The following NFIA variants were observed in gnomAD, a reference collection of about 807,000 sequenced individuals.
The protein encoded by NFIA is nuclear factor I A, also known as nuclear factor 1 A-type.
NFIA carries 8 observed loss-of-function variants against 62.8 expected under a neutral mutation model. The observed-to-expected ratio is 0.13, with a 90% CI of 0.07 to 0.23. NFIA has a LOEUF of 0.23. Ranked by LOEUF, NFIA falls within the 10% of genes least tolerant of loss-of-function variation. The pLI is 1.00. For missense variants in NFIA, 410 were observed against 642.1 expected (o/e 0.64, Z 3.91); for synonymous variants, 235 against 238.1 (o/e 0.99, Z 0.12).
Position 61,210,765 on chromosome 1 carries a change from C to T in NFIA, c.560-66755C>T, listed in dbSNP as rs144226560. Among the ~76,000 whole-genome samples the T allele has an allele frequency of 4.2e-3, 637 of 152,310 alleles. 9 individuals carry two copies. The highest frequency in any genetic ancestry group is 0.02 in the Admixed American group (307 of 15,302). ...TCCTACCTCACTGGACACCTCAAAC[C>T]TGCCAGTCTCATCTGTAAAGTGAGC... On this transcript the variant is annotated intron_variant, in intron 2 of 10. Transcript: ENST00000403491.
At chr1:61,096,840 C>T (rs921862645) in intron 2 of NFIA, among the ~76,000 whole-genome samples, 1 of 151,950 alleles carries the variant, frequency 6.6e-6, no homozygotes, top group Non-Finnish European at 1.5e-5. Flanking sequence ...CGTGAGCCAC[C>T]GCGCCTGGCG....
intron 2 of NFIA, among the ~76,000 whole-genome samples, chr1:61,236,131 T>A (rs1654999362): frequency 6.6e-6 from 1 of 151,800 alleles, no homozygotes; most frequent in Non-Finnish European, 1.5e-5. Context: ...CAAGGTATAC[T>A]TATTGTTTTG....
chr1:61,219,761 C>G (rs1243613295), intron 2 of NFIA, among the ~76,000 whole-genome samples: 1 of 148,380 alleles, frequency 6.7e-6, no homozygotes, highest in East Asian at 2.0e-4. Context: ...GTCAAAAGAT[C>G]AAGACCATCC....
At chr1:61,390,148 T>C (rs759656650) in intron 7 of NFIA, among the ~76,000 whole-genome samples, 1 of 152,176 alleles carries the variant, frequency 6.6e-6, no homozygotes, top group Non-Finnish European at 1.5e-5. Flanking sequence ...CAGTGGCATC[T>C]GGCACTACGC....
At chr1:61,120,860 A>G (rs1056006245) in intron 2 of NFIA, among the ~76,000 whole-genome samples, 4 of 152,236 alleles carry the variant, frequency 2.6e-5, no homozygotes, top group African/African-American at 9.6e-5. Flanking sequence ...GATCCTTTCA[A>G]GTTTACAATT....
At chr1:61,369,601 AAC>A (rs1350739516) in intron 6 of NFIA, among the ~76,000 whole-genome samples, 1 of 152,170 alleles carries the variant, frequency 6.6e-6, no homozygotes, top group Non-Finnish European at 1.5e-5. Flanking sequence ...CTATCATATA[AAC>A]ACAGTGTAGC....
intron 3 of NFIA, among the ~76,000 whole-genome samples, chr1:61,304,441 G>T (rs947493846): frequency 2.6e-5 from 4 of 152,158 alleles, no homozygotes; most frequent in Non-Finnish European, 5.9e-5. Context: ...ATTAGTGTAT[G>T]AATTCCTTTT....
chr1:61,310,496 A>G (rs950967169), intron 3 of NFIA, among the ~76,000 whole-genome samples: 1 of 152,106 alleles, frequency 6.6e-6, no homozygotes, highest in Non-Finnish European at 1.5e-5. Flanking sequence ...CATTTAGTGT[A>G]TGGGGGGAAA....
At chr1:61,454,999 T>C (rs1668235222) in intron 10 of NFIA, among the ~76,000 whole-genome samples, 1 of 152,202 alleles carries the variant, frequency 6.6e-6, no homozygotes, top group South Asian at 2.1e-4. Flanking sequence ...TGCCCTCCTA[T>C]AACTGCCCCC....
At chr1:61,337,414 A>T (rs567438554) in intron 4 of NFIA, among the ~76,000 whole-genome samples, 1 of 152,144 alleles carries the variant, frequency 6.6e-6, no homozygotes, top group South Asian at 2.1e-4. Flanking sequence ...ATAAAAATCT[A>T]TATTTGTTCT....
chr1:61,082,676 CT>C lies in NFIA; in HGVS notation c.-115del. On this transcript the variant is annotated 5_prime_UTR_variant, in exon 1 of 11. Coordinates refer to ENST00000403491, the MANE Select transcript of NFIA (RefSeq NM_001134673.4). ...TTGATTTTTTTTTCTCCCCCCTTCT[CT>C]CTCTCTCTCTCTCTCTCTCTTCCTC... The C allele has an allele frequency of 1.9e-6, 2 of 1,043,880 alleles. No individual in the cohort carries two copies. The highest frequency in any genetic ancestry group is 2.2e-4 in the Middle Eastern group (1 of 4,474). 64.7% of individuals were successfully genotyped at this position (1,043,880 alleles called of 1,614,324 possible). A position where few individuals can be genotyped will look rare whatever the true frequency, so the allele number is the denominator to read the frequency against.
intron 4 of NFIA, among the ~76,000 whole-genome samples, chr1:61,335,929 T>C (rs1661580318): frequency 2.0e-5 from 3 of 152,134 alleles, no homozygotes; most frequent in Admixed American, 2.0e-4. Flanking sequence ...TCATATAATA[T>C]GAAAAATTAG....
chr1:61,135,193 C>CA (rs1647159931), intron 2 of NFIA, among the ~76,000 whole-genome samples: 1 of 152,160 alleles, frequency 6.6e-6, no homozygotes, highest in South Asian at 2.1e-4. Context: ...ATTTGGAAAT[C>CA]AACTTTAATA....
At chr1:61,428,764 A>G (rs78953568) in intron 10 of NFIA, among the ~76,000 whole-genome samples, 9,676 of 152,248 alleles carry the variant, frequency 0.064, 842 homozygotes, top group African/African-American at 0.2. Context: ...AGAATTTTTA[A>G]AAACATAATT....
At chr1:61,359,958 TC>T (rs1407191131) in intron 6 of NFIA, among the ~76,000 whole-genome samples, 1 of 152,226 alleles carries the variant, frequency 6.6e-6, no homozygotes, top group Non-Finnish European at 1.5e-5. Flanking sequence ...CTAATAAAAA[TC>T]TATCAACTTT....
intron 3 of NFIA, among the ~76,000 whole-genome samples, chr1:61,291,901 A>T (rs1294435663): frequency 6.6e-6 from 1 of 152,200 alleles, no homozygotes; most frequent in Non-Finnish European, 1.5e-5. Context: ...TATGTATTAC[A>T]TTATTGAGTA....
chr1:61,399,662 T>G (rs1201872928), intron 7 of NFIA, among the ~76,000 whole-genome samples: 3 of 152,358 alleles, frequency 2.0e-5, no homozygotes, highest in African/African-American at 7.2e-5. Flanking sequence ...TACTTTCTTC[T>G]TCTATCTCTT....
At chr1:61,175,921 A>G (rs973761179) in intron 2 of NFIA, among the ~76,000 whole-genome samples, 1 of 152,222 alleles carries the variant, frequency 6.6e-6, no homozygotes, top group African/African-American at 2.4e-5. Context: ...AGCAAAGACA[A>G]TACAGCTTGA....
intron 4 of NFIA, among the ~76,000 whole-genome samples, chr1:61,342,920 AT>A: frequency 6.6e-6 from 1 of 152,382 alleles, no homozygotes; most frequent in Admixed American, 6.5e-5. Context: ...CTAAATGAGA[AT>A]AATATAAATA....
Sources: allele counts gnomAD v4.1 joint callset (sites outside exome capture counted in the v4.1 genomes callset), GRCh38; gene constraint gnomAD v4.1.1; transcripts MANE v1.5; gene names NCBI Gene and HGNC (gene_info 2026-07-23, HGNC 2026-07-21).